Variants in RCAN2 observed in about 807,000 individuals in gnomAD.
RCAN2 encodes the protein regulator of calcineurin 2.
A neutral mutation model predicts 23.6 loss-of-function variants in RCAN2; 9 were observed. The ratio of observed to expected loss-of-function variants is 0.38; its 90% CI spans 0.23 to 0.67. The LOEUF (loss-of-function observed/expected upper bound fraction) is 0.67, where lower values mean the gene tolerates loss of function less well. RCAN2 is among the 30% of genes least tolerant of loss of function. The pLI is 0.51. For synonymous variants in RCAN2, 109 were observed against 115.7 expected, an observed-to-expected ratio of 0.94 and a Z score of 0.37; for missense variants, 273 against 302.3, an observed-to-expected ratio of 0.90 and a Z score of 0.72.
rs115065102 is a variant in RCAN2 at position 46,279,223 on chromosome 6, C to T, written c.226-30327G>A. On this transcript the variant is annotated intron_variant, in intron 2 of 4. Transcript: ENST00000371374. ...TTGCCAGCAAGAAGAGCTGTTGATT[C>T]TCACTGTACCCCATATCCTGACAGT... 5.2e-3 allele frequency among the ~76,000 whole-genome samples: 798 copies of T among 152,302 alleles called. 5 individuals carry two copies. Among genetic ancestry groups the T allele is most frequent in the African/African-American group, 0.018 (736 of 41,568 alleles).
At chr6:46,469,044 C>A (rs186412775) in intron 1 of RCAN2, among the ~76,000 whole-genome samples, 18 of 152,276 alleles carry the variant, frequency 1.2e-4, no homozygotes, top group Middle Eastern at 3.4e-3. Flanking sequence ...ACCTCTGTTT[C>A]TCTCTCAAAT....
At chr6:46,450,799 G>A (rs1767855835) in intron 2 of RCAN2, among the ~76,000 whole-genome samples, 1 of 151,944 alleles carries the variant, frequency 6.6e-6, no homozygotes, top group Non-Finnish European at 1.5e-5. Flanking sequence ...TTGAACAAAG[G>A]CTACAAAATT....
At chr6:46,471,192 C>T (rs1402311902) in intron 1 of RCAN2, among the ~76,000 whole-genome samples, 1 of 152,156 alleles carries the variant, frequency 6.6e-6, no homozygotes, top group African/African-American at 2.4e-5. Context: ...TTTGATTTTA[C>T]CCTGAGATGG....
chr6:46,311,647 G>T (rs1172406705), intron 2 of RCAN2, among the ~76,000 whole-genome samples: 1 of 152,168 alleles, frequency 6.6e-6, no homozygotes, highest in African/African-American at 2.4e-5. Flanking sequence ...AGAGTGCCTT[G>T]TACCTGCCAT....
intron 4 of RCAN2, among the ~76,000 whole-genome samples, chr6:46,246,250 A>G (rs1172472789): frequency 6.6e-6 from 1 of 152,164 alleles, no homozygotes; most frequent in Non-Finnish European, 1.5e-5. Flanking sequence ...AGATTTTTTT[A>G]AAGTTAGAGG....
At chr6:46,254,541 G>A (rs942142666) in intron 2 of RCAN2, among the ~76,000 whole-genome samples, 2 of 152,140 alleles carry the variant, frequency 1.3e-5, no homozygotes. Context: ...GAAGGGCAGA[G>A]AAAAAGCTGG....
At chr6:46,291,200 TA>T (rs1762548397) in intron 2 of RCAN2, among the ~76,000 whole-genome samples, 1 of 151,778 alleles carries the variant, frequency 6.6e-6, no homozygotes, top group African/African-American at 2.4e-5. Flanking sequence ...ATTTATATCT[TA>T]AAAACTCAAC....
intron 2 of RCAN2, among the ~76,000 whole-genome samples, chr6:46,327,272 T>C (rs901887034): frequency 6.6e-6 from 1 of 151,972 alleles, no homozygotes; most frequent in Non-Finnish European, 1.5e-5. Flanking sequence ...CTGGATCCCA[T>C]GTTAGGATGG....
chr6:46,471,498 G>A (rs968781778), intron 1 of RCAN2, among the ~76,000 whole-genome samples: 2 of 152,182 alleles, frequency 1.3e-5, no homozygotes, highest in Non-Finnish European at 2.9e-5. Context: ...CAAGATTTTG[G>A]CCTGAGGACC....
chr6:46,374,016 ATGTAAAT>A (rs1260111465), intron 2 of RCAN2, among the ~76,000 whole-genome samples: 2 of 152,208 alleles, frequency 1.3e-5, no homozygotes, highest in African/African-American at 4.8e-5. Flanking sequence ...ATAGAATTTA[ATGTAAAT>A]TGTAATTACT....
chr6:46,352,402 C>T (rs934087403), intron 2 of RCAN2, among the ~76,000 whole-genome samples: 1 of 152,146 alleles, frequency 6.6e-6, no homozygotes, highest in East Asian at 1.9e-4. Context: ...CTCCATCCCA[C>T]CCCGTCCTCC....
Position 46,431,845 on chromosome 6 carries a change from A to C in RCAN2, c.225+24907T>G, listed in dbSNP as rs148908837. Among the ~76,000 whole-genome samples the C allele has an allele frequency of 2.1e-3, 323 of 152,332 alleles. 1 individual carries two copies. The highest frequency in any genetic ancestry group is 7.4e-3 in the African/African-American group (308 of 41,568). Reference sequence around the variant, plus strand: ...GGGATTTCTCTTTTCCCAGTATCAGAATAATTTCATTTCATTTCAAATTCA... The same window carrying C: ...GGGATTTCTCTTTTCCCAGTATCAGCATAATTTCATTTCATTTCAAATTCA... On this transcript the variant is annotated intron_variant, in intron 2 of 4. Transcript: ENST00000371374.
chr6:46,275,180 A>G (rs1050628587), intron 2 of RCAN2, among the ~76,000 whole-genome samples: 1 of 150,022 alleles, frequency 6.7e-6, no homozygotes, highest in African/African-American at 2.5e-5. Flanking sequence ...TTTTTTTTCC[A>G]CAGTTGATCA....
At chr6:46,349,594 T>A (rs1315058031) in intron 2 of RCAN2, among the ~76,000 whole-genome samples, 1 of 150,856 alleles carries the variant, frequency 6.6e-6, no homozygotes, top group African/African-American at 2.5e-5. Flanking sequence ...AAAAAAAAAA[T>A]CTGCCCTCAG....
chr6:46,266,113 C>A (rs1767319362), intron 2 of RCAN2, among the ~76,000 whole-genome samples: 1 of 152,144 alleles, frequency 6.6e-6, no homozygotes, highest in African/African-American at 2.4e-5. Flanking sequence ...ATCTTTATCT[C>A]AGCAAGACCC....
intron 1 of RCAN2, among the ~76,000 whole-genome samples, chr6:46,470,689 T>C (rs919302405): frequency 1.3e-5 from 2 of 152,274 alleles, no homozygotes; most frequent in Non-Finnish European, 2.9e-5. Flanking sequence ...ATTATTTTCC[T>C]TCTTCCAAAT....
chr6:46,269,464 A>T (rs946257411), intron 2 of RCAN2, among the ~76,000 whole-genome samples: 1 of 152,210 alleles, frequency 6.6e-6, no homozygotes, highest in East Asian at 1.9e-4. Flanking sequence ...CTCTTTTTTA[A>T]AAAAGATCTT....
chr6:46,336,176 T>C (rs1292163197), intron 2 of RCAN2, among the ~76,000 whole-genome samples: 2 of 152,134 alleles, frequency 1.3e-5, no homozygotes, highest in East Asian at 1.9e-4. Context: ...GGGAAAGAAA[T>C]TGGCATCTCG....
chr6:46,455,051 T>C (rs1321589664), intron 2 of RCAN2, among the ~76,000 whole-genome samples: 3 of 152,220 alleles, frequency 2.0e-5, no homozygotes, highest in Non-Finnish European at 4.4e-5. Flanking sequence ...TTTAGAGAAA[T>C]GGATGATATG....
Sources: allele counts gnomAD v4.1 joint callset (sites outside exome capture counted in the v4.1 genomes callset), GRCh38; gene constraint gnomAD v4.1.1; transcripts MANE v1.5; gene names NCBI Gene and HGNC (gene_info 2026-07-23, HGNC 2026-07-21).